Variants in CELF2 observed in about 807,000 individuals in gnomAD.
CELF2 encodes CUG triplet repeat RNA-binding protein 2.
Under a neutral mutation model 62.6 loss-of-function variants are expected in CELF2, and 8 were observed. The observed-to-expected ratio is 0.13, with a 90% confidence interval of 0.07 to 0.23. The LOEUF (loss-of-function observed/expected upper bound fraction) is 0.23. CELF2 is among the 10% of genes least tolerant of loss of function. CELF2 has a pLI of 1.00. For synonymous variants in CELF2, 258 were observed against 250.0 expected, an observed-to-expected ratio of 1.03 and a Z score of -0.30; for missense variants, 333 against 671.0, an observed-to-expected ratio of 0.50 and a Z score of 5.56.
chr10:11,286,751 C>T (rs781363772), intron 8 of CELF2, among the ~76,000 whole-genome samples: 13 of 152,158 alleles, frequency 8.5e-5, no homozygotes, highest in African/African-American at 1.7e-4. Flanking sequence ...GCAAGGTTGC[C>T]AGAAGTCTGC....
At position 11,329,862 on chromosome 10, in the gene CELF2, A is replaced by ATACAT. The variant is rs2095952894; in HGVS notation, c.*809_*810insTACAT. 1 of 150,660 alleles carries ATACAT rather than the reference A, an allele frequency of 6.6e-6. No homozygotes were observed. The highest frequency in any genetic ancestry group is 2.5e-5 in the African/African-American group (1 of 39,882). The allele number at this position is 150,660 out of a possible 1,614,324, so 9.3% of individuals were successfully genotyped here. On this transcript the variant is annotated 3_prime_UTR_variant, in exon 13 of 13. Transcript: ENST00000633077. This position sits in a 1 kb window ranked among gnomAD's most constrained non-coding sequence, Gnocchi z 5.5. ...TAAATAAATACATAAATACATAAAT[A>ATACAT]AAAAAGAAAGCCACAGGCCTGTAAA...
intron 2 of CELF2, among the ~76,000 whole-genome samples, chr10:10,987,377 G>A (rs764354824): frequency 2.2e-4 from 33 of 151,574 alleles, no homozygotes; most frequent in Non-Finnish European, 4.4e-4. Flanking sequence ...GTAAACTAAG[G>A]CGTATATATA....
chr10:11,196,999 AAG>A (rs1213334841), intron 2 of CELF2, among the ~76,000 whole-genome samples: 3 of 57,734 alleles, frequency 5.2e-5, no homozygotes, highest in Non-Finnish European at 3.4e-5. Context: ...GAAAGGAAGG[AAG>A]GAGAAAGAAA....
chr10:10,619,552 G>C, the CELF2 span, among the ~76,000 whole-genome samples: 1 of 152,162 alleles, frequency 6.6e-6, no homozygotes, highest in Non-Finnish European at 1.5e-5. Flanking sequence ...TCTTTGGGTA[G>C]AGCGCTCCTC....
chr10:10,519,862 A>C, the CELF2 span, among the ~76,000 whole-genome samples: 2 of 152,202 alleles, frequency 1.3e-5, no homozygotes, highest in African/African-American at 4.8e-5. Context: ...AGAGTGCCAG[A>C]GGTGGTCTCA....
intron 2 of CELF2, among the ~76,000 whole-genome samples, chr10:11,194,885 T>A (rs2057021014): frequency 6.6e-6 from 1 of 152,194 alleles, no homozygotes; most frequent in Non-Finnish European, 1.5e-5. Flanking sequence ...GTTACAAAAA[T>A]CCCGATGCGT....
chr10:10,765,874 G>T, the CELF2 span, among the ~76,000 whole-genome samples: 2 of 152,140 alleles, frequency 1.3e-5, no homozygotes, highest in African/African-American at 4.8e-5. Context: ...GAAGCACCAA[G>T]AGACTGCAGA....
At chr10:10,980,778 C>T (rs929980979) in intron 2 of CELF2, among the ~76,000 whole-genome samples, 1 of 152,168 alleles carries the variant, frequency 6.6e-6, no homozygotes, top group Non-Finnish European at 1.5e-5. Context: ...CCTTTCCTCT[C>T]CTTTTATTCT....
rs1392513328 is a variant in CELF2 at position 11,267,395 on chromosome 10, G to A, written c.618+718G>A. On this transcript the variant is annotated intron_variant, in intron 6 of 12. Coordinates refer to ENST00000633077, the MANE Select transcript of CELF2 (RefSeq NM_001326342.2). The surrounding 1 kb of genome is among the most constrained non-coding windows in gnomAD (Gnocchi z 4.4). ...GCTCTGTACTTTTAGTCTGTGATTT[G>A]GGTCATGGCCTTTCAGAATTTTGCA... is the stretch of plus-strand genomic sequence containing the variant. Among the ~76,000 whole-genome samples, 5 of 152,156 alleles carry A rather than the reference G, an allele frequency of 3.3e-5. No individual in the cohort carries two copies. Among genetic ancestry groups the A allele is most frequent in the African/African-American group, 9.7e-5 (4 of 41,440 alleles).
chr10:10,934,429 A>G lies in CELF2; in HGVS notation c.89+14430A>G, dbSNP rs1037927005. On this transcript the variant is annotated intron_variant, in intron 2 of 13. Coordinates refer to the CELF2 transcript ENST00000636488. This position sits in a 1 kb window ranked among gnomAD's most constrained non-coding sequence, Gnocchi z 4.4. ...TGAACTCATGAGTAAATGGGAGCTAAGAATCTTTCTGAATGGTTGAAGTGA... is the reference window on the plus strand; with the variant it reads ...TGAACTCATGAGTAAATGGGAGCTAGGAATCTTTCTGAATGGTTGAAGTGA... The G allele has an allele frequency of 2.0e-5, 3 of 152,256 alleles. No homozygotes were observed. The highest frequency in any genetic ancestry group is 6.5e-5 in the Admixed American group (1 of 15,286). 9.4% of individuals were successfully genotyped at this position (152,256 alleles called of 1,614,324 possible).
chr10:11,014,024 G>A (rs188634975), upstream of CELF2, among the ~76,000 whole-genome samples: 6 of 152,320 alleles, frequency 3.9e-5, no homozygotes, highest in African/African-American at 1.4e-4. Context: ...GTATTGCCTG[G>A]CAATGATGGG....
At chr10:10,482,458 G>C in the CELF2 span, among the ~76,000 whole-genome samples, 1 of 152,112 alleles carries the variant, frequency 6.6e-6, no homozygotes, top group Non-Finnish European at 1.5e-5. Context: ...AAGAAACTCT[G>C]GGTTAAAGTG....
chr10:11,328,310 G>A lies in CELF2; in HGVS notation c.1439-616G>A, dbSNP rs186929669. ...GTCTCCTTGGTATTAACTCCAAATG[G>A]GTAAAAATCAAGTATGAGTGAGTTA... On this transcript the variant is annotated intron_variant, in intron 12 of 12. Transcript: ENST00000633077. This position sits in a 1 kb window ranked among gnomAD's most constrained non-coding sequence, Gnocchi z 6.4. Among the ~76,000 whole-genome samples, 167 of 152,294 alleles carry A rather than the reference G, an allele frequency of 1.1e-3. No individual in the cohort carries two copies. The highest frequency in any genetic ancestry group is 3.9e-3 in the African/African-American group (161 of 41,558).
chr10:10,844,133 T>C (rs1191741293), intron 1 of CELF2, among the ~76,000 whole-genome samples: 1 of 152,020 alleles, frequency 6.6e-6, no homozygotes, highest in Non-Finnish European at 1.5e-5. Context: ...TCCTGATATT[T>C]TTTTCCTCAC....
chr10:11,044,651 A>G (rs1407516209), intron 1 of CELF2, among the ~76,000 whole-genome samples: 1 of 152,170 alleles, frequency 6.6e-6, no homozygotes, highest in South Asian at 2.1e-4. Flanking sequence ...ATACATTATA[A>G]CAGTATGGAC....
At chr10:10,564,641 TACAC>T in the CELF2 span, among the ~76,000 whole-genome samples, 3,919 of 135,906 alleles carry the variant, frequency 0.029, 60 homozygotes, top group Middle Eastern at 0.046. Flanking sequence ...GTTAACTGAA[TACAC>T]ACACACACAC....
chr10:10,952,253 C>T (rs1430780969), intron 2 of CELF2: 2 of 152,198 alleles, frequency 1.3e-5, no homozygotes, highest in Admixed American at 6.5e-5. Context: ...TATCCTTCCC[C>T]CCTGAAGTTC....
rs146971483 is a variant in CELF2, at chr10:11,275,262, T to C, written c.841+142T>C. 1,731 of 871,878 alleles carry C rather than the reference T, an allele frequency of 2.0e-3. 31 individuals are homozygous for C. Among genetic ancestry groups the C allele is most frequent in the Non-Finnish European group, 2.8e-3 (1,530 of 544,574 alleles). 54.0% of individuals were successfully genotyped at this position (871,878 alleles called of 1,614,324 possible). A position where few individuals can be genotyped will look rare whatever the true frequency, so the allele number is the denominator to read the frequency against. ...TAGCTTTCTGTCTTTGGTGTTAACG[T>C]TGGAACCGCCTGCTCTGAAGTGTCT... On this transcript the variant is annotated intron_variant, in intron 8 of 12. Transcript: ENST00000633077.
At chr10:10,517,751 C>T in the CELF2 span, among the ~76,000 whole-genome samples, 1 of 152,152 alleles carries the variant, frequency 6.6e-6, no homozygotes, top group Non-Finnish European at 1.5e-5. Flanking sequence ...CCAGATGCTG[C>T]CATAATTCTC....
Sources: allele counts gnomAD v4.1 joint callset (sites outside exome capture counted in the v4.1 genomes callset), GRCh38; gene constraint gnomAD v4.1.1; non-coding constraint Gnocchi (gnomAD v3.1); transcripts MANE v1.5; gene names NCBI Gene and HGNC (gene_info 2026-07-23, HGNC 2026-07-21).